ATP2B2: variants seen among roughly 807,000 people sequenced by gnomAD.
The protein encoded by ATP2B2 is plasma membrane calcium-transporting ATPase 2.
In ATP2B2, 15 loss-of-function variants were observed where a neutral mutation model predicts 120.0. The observed-to-expected ratio is 0.12, with a 90% CI of 0.08 to 0.19. The LOEUF is 0.19. ATP2B2 is among the 10% of genes least tolerant of loss of function. ATP2B2 has a pLI of 1.00. For missense variants in ATP2B2, 1,045 were observed against 1,719.8 expected, an observed-to-expected ratio of 0.61 and a Z score of 6.94; for synonymous variants, 694 against 700.3, an observed-to-expected ratio of 0.99 and a Z score of 0.14.
chr3:10,379,190 C>T (rs1575065968), intron 9 of ATP2B2, 53 bp downstream of exon 9: 6 of 1,583,598 alleles, frequency 3.8e-6, no homozygotes, highest in East Asian at 2.2e-5. Flanking sequence ...CTGTCAGAGC[C>T]GGTGGGGAGG....
intron 1 of ATP2B2, among the ~76,000 whole-genome samples, chr3:10,682,212 TCTGCCTCCA>T (rs1374178610): frequency 6.6e-6 from 1 of 152,242 alleles, no homozygotes; most frequent in African/African-American, 2.4e-5. Flanking sequence ...GGACTTTCCA[TCTGCCTCCA>T]CCACAAAGTC....
rs959624265 is a variant in ATP2B2, at chr3:10,548,949, T to C, written c.-414-14816A>G. On this transcript the variant is annotated intron_variant, in intron 2 of 21. Transcript: ENST00000646379. Reference sequence around the variant, plus strand: ...AGGAAGATGGAACTAAGAGTGAGACTGAGCATCTAATGAGATAAATGACCA... The same window carrying C: ...AGGAAGATGGAACTAAGAGTGAGACCGAGCATCTAATGAGATAAATGACCA... Among the ~76,000 whole-genome samples the C allele has an allele frequency of 3.9e-5, 6 of 152,238 alleles. No homozygotes were observed. The East Asian group carries it at 9.6e-4, about 24-fold the overall frequency.
chr3:10,523,821 G>A (rs554425990), intron 3 of ATP2B2, among the ~76,000 whole-genome samples: 5 of 147,924 alleles, frequency 3.4e-5, no homozygotes, highest in African/African-American at 1.0e-4. Flanking sequence ...CTAGGCCCCC[G>A]TTTCCTCTTC....
chr3:10,346,470 C>G lies in ATP2B2; in HGVS notation c.2405-333G>C, dbSNP rs1052443179. On this transcript the variant is annotated intron_variant, in intron 16 of 22. Transcript: ENST00000360273. This position sits in a 1 kb window ranked among gnomAD's most constrained non-coding sequence, Gnocchi z 4.1. ...TGTATCCTCTAACTGTGCTCAGGGC[C>G]CCCTCTGCCTCAGCAGGGCTCCCAG... Among the ~76,000 whole-genome samples the G allele has an allele frequency of 6.6e-6, 1 of 152,228 alleles. No homozygotes were observed. The highest frequency in any genetic ancestry group is 2.4e-5 in the African/African-American group (1 of 41,454).
intron 1 of ATP2B2, among the ~76,000 whole-genome samples, chr3:10,673,008 G>A (rs551063169): frequency 1.5e-4 from 23 of 152,290 alleles, no homozygotes; most frequent in Admixed American, 1.3e-3. Context: ...GCCAGAGGTT[G>A]GCTGGGTGAC....
chr3:10,552,989 T>C lies in ATP2B2; in HGVS notation c.-414-18856A>G, dbSNP rs140805716. 2.0e-5 allele frequency among the ~76,000 whole-genome samples: 3 copies of C among 152,326 alleles called. No individual in the cohort carries two copies. In the East Asian group the frequency reaches 5.8e-4, roughly 29 times the overall value. On this transcript the variant is annotated intron_variant, in intron 2 of 21. Coordinates refer to the ATP2B2 transcript ENST00000646379. ...AAGGAGGCAGAGATTGAATTGCTCC[T>C]CAAGGGCATCCAACTGCTCTGTCCT...
chr3:10,468,025 A>C (rs1473170462), intron 1 of ATP2B2, among the ~76,000 whole-genome samples: 1 of 152,220 alleles, frequency 6.6e-6, no homozygotes, highest in Non-Finnish European at 1.5e-5. Context: ...AAGGCTGTGC[A>C]CATGACCTCG....
intron 1 of ATP2B2, among the ~76,000 whole-genome samples, chr3:10,625,161 C>G (rs2069660869): frequency 6.6e-6 from 1 of 152,252 alleles, no homozygotes; most frequent in Non-Finnish European, 1.5e-5. Flanking sequence ...CACAAGGTCT[C>G]TGGCTGCACG....
At chr3:10,587,137 AC>A (rs777817752) in intron 2 of ATP2B2, among the ~76,000 whole-genome samples, 2 of 152,090 alleles carry the variant, frequency 1.3e-5, no homozygotes, top group Non-Finnish European at 2.9e-5. Flanking sequence ...CTACAAAAAA[AC>A]AAAAACAAAA....
chr3:10,655,914 G>C (rs1196962477), intron 1 of ATP2B2, among the ~76,000 whole-genome samples: 1 of 152,132 alleles, frequency 6.6e-6, no homozygotes, highest in African/African-American at 2.4e-5. Context: ...CCATTCCTTG[G>C]TATATTTAAT....
chr3:10,591,897 A>G (rs1251919770), intron 2 of ATP2B2, among the ~76,000 whole-genome samples: 1 of 152,208 alleles, frequency 6.6e-6, no homozygotes, highest in Non-Finnish European at 1.5e-5. Context: ...ATCAGGGCAG[A>G]CCACAGGGAC....
intron 3 of ATP2B2, among the ~76,000 whole-genome samples, chr3:10,531,778 C>T (rs2125475802): frequency 6.6e-6 from 1 of 152,274 alleles, no homozygotes; most frequent in Non-Finnish European, 1.5e-5. Context: ...ATCGCAATGC[C>T]TGGCACGCAG....
Position 10,338,340 on chromosome 3 carries a change from T to G in ATP2B2, c.3256A>C (p.Thr1086Pro). 6.2e-7 allele frequency: 1 copy of G among 1,614,094 alleles called. No individual in the cohort carries two copies. Among genetic ancestry groups the G allele is most frequent in the African/African-American group, 1.3e-5 (1 of 74,996 alleles). Residue 1086 changes from threonine (T) to proline (P), a missense_variant, in exon 22 of 23, where the codon ACC becomes CCC. Transcript: ENST00000360273. The stretch of plus-strand genomic sequence containing the variant: ...TCCTTGAGGAACTTGAGTCTGCTGG[T>G]CGGGATGGTGGCGATGACCTGCAAG... Reference protein sequence around the residue: ...VWGQVIATIPTSRLKFLKEAG... With the variant: ...VWGQVIATIPPSRLKFLKEAG...
intron 1 of ATP2B2, among the ~76,000 whole-genome samples, chr3:10,693,606 C>T (rs538931994): frequency 9.8e-5 from 15 of 152,314 alleles, no homozygotes; most frequent in African/African-American, 1.4e-4. Context: ...TGTTTCTTTG[C>T]GGTGATATGT....
chr3:10,441,013 T>G (rs1014170882), intron 2 of ATP2B2, among the ~76,000 whole-genome samples: 2 of 152,240 alleles, frequency 1.3e-5, no homozygotes, highest in Non-Finnish European at 2.9e-5. Context: ...CAGCTATAAC[T>G]AGCATCGTGG....
chr3:10,515,625 G>A, intron 3 of ATP2B2, among the ~76,000 whole-genome samples: 1 of 152,150 alleles, frequency 6.6e-6, no homozygotes, highest in East Asian at 1.9e-4. Context: ...CCGGGCTAGA[G>A]GCCAGGTGGT....
intron 1 of ATP2B2, among the ~76,000 whole-genome samples, chr3:10,698,625 C>T (rs939076578): frequency 1.3e-5 from 2 of 152,166 alleles, no homozygotes; most frequent in African/African-American, 4.8e-5. Flanking sequence ...AACAGTTTCA[C>T]AAAAAAAGTC....
intron 2 of ATP2B2, among the ~76,000 whole-genome samples, chr3:10,594,925 G>A (rs536826968): frequency 1.3e-5 from 2 of 152,278 alleles, no homozygotes; most frequent in South Asian, 4.1e-4. Flanking sequence ...TTTAACTTAG[G>A]TCTGCCTGAT....
At chr3:10,457,007 G>A (rs2064287990) in intron 1 of ATP2B2, among the ~76,000 whole-genome samples, 1 of 152,190 alleles carries the variant, frequency 6.6e-6, no homozygotes, top group African/African-American at 2.4e-5. Context: ...TCCTCTCTGG[G>A]GGAGGCAATT....
Sources: allele counts gnomAD v4.1 joint callset (sites outside exome capture counted in the v4.1 genomes callset), GRCh38; gene constraint gnomAD v4.1.1; non-coding constraint Gnocchi (gnomAD v3.1); transcripts MANE v1.5; gene names NCBI Gene and HGNC (gene_info 2026-07-23, HGNC 2026-07-21).